The following SORCS1 variants were observed in gnomAD, a reference collection of about 807,000 sequenced individuals.
SORCS1 encodes sortilin related VPS10 domain containing receptor 1, also known as VPS10 domain-containing receptor SorCS1.
In SORCS1, 60 loss-of-function variants were observed where a neutral mutation model predicts 146.1. The observed-to-expected ratio is 0.41, with a 90% CI of 0.33 to 0.51. SORCS1 has a LOEUF of 0.51. Ranked by LOEUF, SORCS1 falls within the 20% of genes least tolerant of loss-of-function variation. SORCS1 has a pLI of 0.21. For missense variants in SORCS1, 1,352 were observed against 1,487.6 expected (o/e 0.91, Z 1.50); for synonymous variants, 637 against 584.0 (o/e 1.09, Z -1.31).
intron 1 of SORCS1, among the ~76,000 whole-genome samples, chr10:107,006,233 A>G (rs189201593): frequency 1.3e-5 from 2 of 152,310 alleles, no homozygotes; most frequent in Admixed American, 6.5e-5. Flanking sequence ...CATGGATGAC[A>G]AAAAGCTCTT....
chr10:106,590,552 C>T (rs750571223), intron 24 of SORCS1, among the ~76,000 whole-genome samples: 3 of 152,162 alleles, frequency 2.0e-5, no homozygotes, highest in Non-Finnish European at 4.4e-5. Flanking sequence ...CAGGTTTGTT[C>T]TTCCACAAGT....
At chr10:107,089,617 T>A (rs538491494) in intron 1 of SORCS1, among the ~76,000 whole-genome samples, 1 of 152,110 alleles carries the variant, frequency 6.6e-6, no homozygotes, top group Non-Finnish European at 1.5e-5. Flanking sequence ...CTAGTTCTTA[T>A]ATAAATAAAT....
At chr10:106,784,308 T>C (rs1471729077) in intron 3 of SORCS1, among the ~76,000 whole-genome samples, 2 of 149,158 alleles carry the variant, frequency 1.3e-5, no homozygotes, top group African/African-American at 5.0e-5. Flanking sequence ...GGCAGGAGAA[T>C]GGCATGAACC....
At chr10:107,141,018 T>C (rs912707320) in intron 1 of SORCS1, among the ~76,000 whole-genome samples, 1 of 152,224 alleles carries the variant, frequency 6.6e-6, no homozygotes, top group African/African-American at 2.4e-5. Context: ...TCTGAAGTCC[T>C]TCACAGCATA....
intron 2 of SORCS1, among the ~76,000 whole-genome samples, chr10:106,949,672 C>T (rs1954572348): frequency 1.3e-5 from 2 of 152,198 alleles, no homozygotes; most frequent in African/African-American, 4.8e-5. Context: ...CCTTAAATTG[C>T]ACTTGCTTTG....
intron 1 of SORCS1, among the ~76,000 whole-genome samples, chr10:107,105,872 T>C (rs1234962912): frequency 6.6e-6 from 1 of 152,060 alleles, no homozygotes; most frequent in Admixed American, 6.6e-5. Flanking sequence ...ACACAGCACA[T>C]ATAAAAAGTT....
chr10:106,888,422 C>A (rs892449876), intron 2 of SORCS1, among the ~76,000 whole-genome samples: 2 of 151,990 alleles, frequency 1.3e-5, no homozygotes, highest in African/African-American at 4.8e-5. Context: ...AGACTATCAT[C>A]AAAATAAGCA....
At chr10:107,093,619 GC>G (rs1964354331) in intron 1 of SORCS1, among the ~76,000 whole-genome samples, 1 of 151,142 alleles carries the variant, frequency 6.6e-6, no homozygotes, top group African/African-American at 2.4e-5. Context: ...GTTGCAGGGG[GC>G]TGAGATCACA....
chr10:106,780,625 CTG>C (rs1860815980), intron 3 of SORCS1, among the ~76,000 whole-genome samples: 1 of 152,208 alleles, frequency 6.6e-6, no homozygotes. Flanking sequence ...CCCTGCAACA[CTG>C]GGATTTCCAG....
intron 23 of SORCS1, among the ~76,000 whole-genome samples, chr10:106,605,533 G>A (rs1449841481): frequency 1.3e-5 from 2 of 152,198 alleles, no homozygotes; most frequent in Admixed American, 6.5e-5. Flanking sequence ...AACTGCAAAT[G>A]TTCCTATCTA....
chr10:107,171,030 C>G, the SORCS1 span, among the ~76,000 whole-genome samples: 1 of 152,290 alleles, frequency 6.6e-6, no homozygotes, highest in Non-Finnish European at 1.5e-5. Flanking sequence ...TATCACCTTC[C>G]TCATGTGAGA....
At chr10:107,126,600 G>T (rs11193205) in intron 1 of SORCS1, among the ~76,000 whole-genome samples, 2 of 152,022 alleles carry the variant, frequency 1.3e-5, no homozygotes, top group Non-Finnish European at 2.9e-5. Context: ...AGAAATCCTC[G>T]TTAGGAACCT....
chr10:106,817,925 A>G (rs748463506), intron 3 of SORCS1, among the ~76,000 whole-genome samples: 27 of 152,204 alleles, frequency 1.8e-4, no homozygotes, highest in Non-Finnish European at 3.7e-4. Flanking sequence ...TTCCCTGACT[A>G]TGTGAGATTA....
intron 1 of SORCS1, among the ~76,000 whole-genome samples, chr10:107,037,263 T>A (rs766211407): frequency 2.0e-5 from 3 of 151,802 alleles, no homozygotes; most frequent in Non-Finnish European, 4.4e-5. Context: ...AACAAAAAAT[T>A]AGGAACCAAA....
At chr10:106,675,189 T>G (rs745585304) in intron 13 of SORCS1, 33 bp from the exon 14 acceptor site, 2 of 1,487,064 alleles carry the variant, frequency 1.3e-6, no homozygotes, top group Non-Finnish European at 1.9e-6. Context: ...TCATCAGATC[T>G]CCAAAGGAAA....
intron 1 of SORCS1, among the ~76,000 whole-genome samples, chr10:107,160,874 C>A (rs1472769643): frequency 1.3e-5 from 2 of 152,210 alleles, no homozygotes; most frequent in Admixed American, 6.5e-5. Flanking sequence ...TATTTTAACA[C>A]TCTAAGGATT....
intron 20 of SORCS1, among the ~76,000 whole-genome samples, chr10:106,618,646 T>G (rs780092474): frequency 9.9e-5 from 15 of 152,164 alleles, no homozygotes; most frequent in Non-Finnish European, 2.1e-4. Context: ...GGGCTCATAT[T>G]AATCCAGATG....
At chr10:106,758,832 G>A (rs1325628128) in intron 5 of SORCS1, among the ~76,000 whole-genome samples, 1 of 152,160 alleles carries the variant, frequency 6.6e-6, no homozygotes, top group African/African-American at 2.4e-5. Context: ...TTGGACTTTA[G>A]AAGCAAGGCT....
chr10:106,709,215 T>C lies in SORCS1; in HGVS notation c.1143+8A>G. The C allele has an allele frequency of 1.9e-6, 3 of 1,605,138 alleles. No homozygotes were observed. Among genetic ancestry groups the C allele is most frequent in the Middle Eastern group, 3.3e-4 (2 of 6,052 alleles). On this transcript the variant is annotated splice_region_variant and intron_variant, in intron 7 of 25. Coordinates refer to ENST00000263054, the MANE Select transcript of SORCS1 (RefSeq NM_052918.5). Reference sequence around the variant, plus strand: ...CTGAGACAATCAACAGAAGTGGATTTTTCCTACCTGAACAAACACATAATG... The same window carrying C: ...CTGAGACAATCAACAGAAGTGGATTCTTCCTACCTGAACAAACACATAATG...
Sources: gnomAD v4.1 joint callset for allele counts (sites outside exome capture counted in the v4.1 genomes callset) on GRCh38, gnomAD v4.1.1 for gene constraint, MANE v1.5 for transcripts, NCBI Gene and HGNC (gene_info 2026-07-23, HGNC 2026-07-21) for gene names.